The following PREX1 variants were observed in gnomAD, a reference collection of about 807,000 sequenced individuals.
PREX1 encodes the protein phosphatidylinositol-3,4,5-trisphosphate dependent Rac exchange factor 1.
Under a neutral mutation model 198.3 loss-of-function variants are expected in PREX1, and 41 were observed. The ratio of observed to expected loss-of-function variants is 0.21; its 90% CI spans 0.16 to 0.27. PREX1 has a LOEUF of 0.27. PREX1 is among the 10% of genes least tolerant of loss of function. The pLI is 1.00. For missense variants in PREX1, 1,620 were observed against 2,200.7 expected, an observed-to-expected ratio of 0.74 and a Z score of 5.28; for synonymous variants, 843 against 887.2, an observed-to-expected ratio of 0.95 and a Z score of 0.89.
At chr20:48,646,754 C>T (rs1409271533) in intron 25 of PREX1, among the ~76,000 whole-genome samples, 1 of 151,968 alleles carries the variant, frequency 6.6e-6, no homozygotes, top group Admixed American at 6.5e-5. Flanking sequence ...GGCCATAGCT[C>T]ATCAATCCCC....
At chr20:48,829,583 AC>A (rs2053610947), upstream of PREX1, among the ~76,000 whole-genome samples, 1 of 152,180 alleles carries the variant, frequency 6.6e-6, no homozygotes, top group African/African-American at 2.4e-5. Context: ...TGAGCCTGTC[AC>A]GCTTGGGTAG....
At chr20:48,663,404 G>A (rs1028868957) in intron 15 of PREX1, among the ~76,000 whole-genome samples, 7 of 152,216 alleles carry the variant, frequency 4.6e-5, no homozygotes, top group Admixed American at 6.5e-5. Context: ...GCGCATGCCT[G>A]TAATCCTAGC....
At chr20:48,751,125 C>T (rs2090132273) in intron 1 of PREX1, among the ~76,000 whole-genome samples, 1 of 152,258 alleles carries the variant, frequency 6.6e-6, no homozygotes, top group African/African-American at 2.4e-5. Context: ...ATGCGCCTGG[C>T]ACAGTGCCTG....
chr20:48,694,047 G>A (rs1386148017), intron 7 of PREX1, among the ~76,000 whole-genome samples: 1 of 152,168 alleles, frequency 6.6e-6, no homozygotes, highest in East Asian at 1.9e-4. Flanking sequence ...AAGTAGCTGG[G>A]ACTACACGCA....
chr20:48,692,606 CAG>C (rs2089825043), intron 8 of PREX1, 64 bp downstream of exon 8: 2 of 1,309,878 alleles, frequency 1.5e-6, no homozygotes, highest in South Asian at 2.4e-5. Flanking sequence ...TTAAATGAAA[CAG>C]AGAGAGTGCC....
the PREX1 span, among the ~76,000 whole-genome samples, chr20:48,837,755 A>AAC: frequency 6.6e-6 from 1 of 152,156 alleles, no homozygotes; most frequent in Admixed American, 6.5e-5. Flanking sequence ...TTGTCTGCAC[A>AAC]ACACACCCCT....
chr20:48,646,912 A>T (rs2089455729), intron 25 of PREX1, among the ~76,000 whole-genome samples: 1 of 152,224 alleles, frequency 6.6e-6, no homozygotes, highest in Non-Finnish European at 1.5e-5. Context: ...ATCAGTATCT[A>T]TATCTTAGGC....
At chr20:48,759,700 C>T (rs1370992812) in intron 1 of PREX1, among the ~76,000 whole-genome samples, 1 of 152,026 alleles carries the variant, frequency 6.6e-6, no homozygotes, top group Admixed American at 6.5e-5. Flanking sequence ...TCCTCTATAA[C>T]GGGGGATAAA....
chr20:48,825,682 C>A (rs1003928118), intron 1 of PREX1, among the ~76,000 whole-genome samples: 1 of 151,854 alleles, frequency 6.6e-6, no homozygotes, highest in Non-Finnish European at 1.5e-5. Context: ...TATTTTCTTT[C>A]CCATTAATAT....
chr20:48,865,368 C>G, the PREX1 span, among the ~76,000 whole-genome samples: 1 of 152,156 alleles, frequency 6.6e-6, no homozygotes, highest in Admixed American at 6.5e-5. Flanking sequence ...CTCCTACCCC[C>G]CACACAGGTC....
intron 1 of PREX1, among the ~76,000 whole-genome samples, chr20:48,762,877 A>G (rs2090189196): frequency 6.6e-6 from 1 of 152,022 alleles, no homozygotes; most frequent in Non-Finnish European, 1.5e-5. Context: ...TAATGTTTGT[A>G]TTTTTAGTAG....
chr20:48,820,898 C>T (rs138495671), intron 1 of PREX1, among the ~76,000 whole-genome samples: 2 of 152,328 alleles, frequency 1.3e-5, no homozygotes, highest in Non-Finnish European at 2.9e-5. Context: ...CCCCGTGAAA[C>T]CTCTTCAAGA....
At chr20:48,798,966 G>A (rs764476213) in intron 1 of PREX1, among the ~76,000 whole-genome samples, 2 of 152,036 alleles carry the variant, frequency 1.3e-5, no homozygotes, top group African/African-American at 2.4e-5. Context: ...GCGAGATCTC[G>A]GCTCACTGAA....
chr20:48,804,607 G>A (rs975598608), intron 1 of PREX1, among the ~76,000 whole-genome samples: 2 of 152,212 alleles, frequency 1.3e-5, no homozygotes, highest in Admixed American at 6.5e-5. Flanking sequence ...GCTCAGATAG[G>A]ACGAATGTGA....
upstream of PREX1, among the ~76,000 whole-genome samples, chr20:48,831,009 G>GT (rs1184712501): frequency 1.3e-5 from 2 of 152,200 alleles, no homozygotes; most frequent in Non-Finnish European, 2.9e-5. Flanking sequence ...GAGGCAGTTG[G>GT]TTCCTGAGGC....
chr20:48,878,495 A>G, the PREX1 span, among the ~76,000 whole-genome samples: 1 of 152,068 alleles, frequency 6.6e-6, no homozygotes, highest in Admixed American at 6.6e-5. Flanking sequence ...ACGTGCCACC[A>G]CACCCAGTTA....
chr20:48,709,469 G>T (rs959166271), intron 5 of PREX1, among the ~76,000 whole-genome samples: 1 of 152,210 alleles, frequency 6.6e-6, no homozygotes, highest in Admixed American at 6.5e-5. Context: ...CCCGGGCCTC[G>T]GCTTCATCAT....
At chr20:48,811,741 A>T (rs1475901596) in intron 1 of PREX1, among the ~76,000 whole-genome samples, 2 of 100,978 alleles carry the variant, frequency 2.0e-5, no homozygotes, top group African/African-American at 4.4e-5. Context: ...CACACCCCTC[A>T]CACTACTGAT....
At chr20:48,656,907 C>T (rs1195605780) in intron 18 of PREX1, 133 bp downstream of exon 18, 1 of 1,225,854 alleles carries the variant, frequency 8.2e-7, no homozygotes, top group African/African-American at 1.5e-5. Flanking sequence ...TAATGAAGGT[C>T]CAGCTTGTGT....
Sources: gnomAD v4.1 joint callset for allele counts (sites outside exome capture counted in the v4.1 genomes callset) on GRCh38, gnomAD v4.1.1 for gene constraint, MANE v1.5 for transcripts, NCBI Gene and HGNC (gene_info 2026-07-23, HGNC 2026-07-21) for gene names.